Variants in CATSPERG observed in about 807,000 individuals in gnomAD.
The protein encoded by CATSPERG is cation channel sperm-associated auxiliary subunit gamma.
A neutral mutation model predicts 145.0 loss-of-function variants in CATSPERG; 115 were observed. That is an observed-to-expected ratio of 0.79 (90% CI 0.68 to 0.93). The LOEUF is 0.93. Ranked by LOEUF, CATSPERG falls within the 40% of genes least tolerant of loss-of-function variation. CATSPERG has a pLI of 0.00. For missense variants in CATSPERG, 1,296 were observed against 1,490.1 expected, an observed-to-expected ratio of 0.87 and a Z score of 2.14; for synonymous variants, 588 against 589.0, an observed-to-expected ratio of 1.00 and a Z score of 0.02.
chr19:38,343,953 G>T, intron 4 of CATSPERG, 40 bp from the exon 5 acceptor site: 1 of 1,545,232 alleles, frequency 6.5e-7, no homozygotes, highest in Non-Finnish European at 8.7e-7. Context: ...CCGGCCATTG[G>T]GAGGCCCCAG....
At position 38,367,556 on chromosome 19, in the gene CATSPERG, G is replaced by A. The variant is rs373200243; in HGVS notation, c.2818G>A (p.Gly940Ser). ...LIQDLVTGDS[G>S]SFQGSYVLLV... The stretch of plus-strand genomic sequence containing the variant: ...TCAAGATTTGGTGACAGGAGACTCC[G>A]GCAGTTTCCAGGGCAGGTAAAGGCG... The change falls in exon 24 of 29, where the codon GGC becomes AGC. Residue 940 changes from glycine to serine, a missense_variant. Gly to Ser is a moderately conservative substitution (Grantham distance 56, BLOSUM62 0). Transcript: ENST00000409235. 15 of 1,613,934 alleles carry A rather than the reference G, an allele frequency of 9.3e-6. No individual in the cohort carries two copies. The highest frequency in any genetic ancestry group is 1.7e-5 in the Admixed American group (1 of 59,986).
In CATSPERG at chr19:38,370,776, G is replaced by C; in HGVS notation, c.3464G>C (p.Arg1155Thr). Residue 1155 changes from arginine (R) to threonine (T), a missense_variant, in exon 29 of 29, where the codon AGA becomes ACA. By Grantham distance (71) the Arg-to-Thr change is moderately conservative. Transcript: ENST00000409235. ...GCTGAACCCAAGGAAGCCGTGGAGA[G>C]ACAGTTGATGACCTGAGTGTCCCAC... ...DRAEPKEAVE[R>T]QLMT 6.2e-7 allele frequency: 1 copy of C among 1,613,860 alleles called. No homozygotes were observed. Among genetic ancestry groups the C allele is most frequent in the East Asian group, 2.2e-5 (1 of 44,876 alleles).
At chr19:38,344,230 C>A in intron 5 of CATSPERG, 66 bp from the exon 6 acceptor site, 1 of 1,535,714 alleles carries the variant, frequency 6.5e-7, no homozygotes, top group Non-Finnish European at 8.8e-7. Context: ...AGAGGAGAGG[C>A]AGCTACGAGC....
chr19:38,338,347 A>G (rs1027012376), intron 3 of CATSPERG, among the ~76,000 whole-genome samples: 2 of 151,162 alleles, frequency 1.3e-5, no homozygotes, highest in Non-Finnish European at 2.9e-5. Context: ...ATGGGGTTTC[A>G]CCGGGTTAGC....
rs1277621113 is a variant in CATSPERG at position 38,337,410 on chromosome 19, G to A, written c.176G>A (p.Ser59Asn). The change falls in exon 2 of 29, where the codon AGT becomes AAT. Residue 59 changes from serine (S) to asparagine (N), a missense_variant. Ser to Asn is a conservative substitution (Grantham distance 46). Coordinates refer to ENST00000409235, the MANE Select transcript of CATSPERG (RefSeq NM_021185.5). ...VLNEFKRVGE[S>N]GVSDSFFEQE... ...AACGAGTTTAAGAGGGTAGGCGAGA[G>A]TGGTGTGAGCGACAGCTTCTTTGAG... 1 of 1,551,992 alleles carries A rather than the reference G, an allele frequency of 6.4e-7. No individual in the cohort carries two copies. The highest frequency in any genetic ancestry group is 2.4e-5 in the East Asian group (1 of 40,922).
chr19:38,357,542 C>T (rs1438362413), intron 11 of CATSPERG, among the ~76,000 whole-genome samples: 1 of 147,422 alleles, frequency 6.8e-6, no homozygotes, highest in Non-Finnish European at 1.5e-5. Context: ...CAGAGCCAGG[C>T]GTGGTGGCTC....
At chr19:38,347,738 G>A (rs1383370806) in intron 7 of CATSPERG, among the ~76,000 whole-genome samples, 1 of 152,068 alleles carries the variant, frequency 6.6e-6, no homozygotes, top group African/African-American at 2.4e-5. Context: ...GTCAGGAGTT[G>A]CAGACCAGCC....
In CATSPERG at chr19:38,370,858, C is replaced by T; in HGVS notation, c.*66C>T. 2.0e-6 allele frequency: 3 copies of T among 1,527,614 alleles called. No individual in the cohort carries two copies. The highest frequency in any genetic ancestry group is 1.1e-5 in the South Asian group (1 of 87,136). The allele number at this position is 1,527,614 out of a possible 1,614,324, so 94.6% of individuals were successfully genotyped here. On this transcript the variant is annotated 3_prime_UTR_variant, in exon 29 of 29. Transcript: ENST00000409235. ...TCTTATGAGGCCCATCTTGAAGATG[C>T]AACCTGTCACCCAGCCCAGGCCTCT... is the stretch of plus-strand genomic sequence containing the variant.
chr19:38,360,551 G>A lies in CATSPERG; in HGVS notation c.1671G>A (p.Gln557=), dbSNP rs1347748861. ...VYQLFPSKGW[Q]VHISLKLMQQ... ...AGCTGTTCCCTTCCAAGGGCTGGCA[G>A]GTGCACATCAGCTTAAAGCTGATGC... Residue 557 remains glutamine, a synonymous_variant, in exon 15 of 29, where the codon CAG becomes CAA. Coordinates refer to ENST00000409235, the MANE Select transcript of CATSPERG (RefSeq NM_021185.5). The A allele has an allele frequency of 4.3e-6, 7 of 1,614,054 alleles. No individual in the cohort carries two copies. In the Admixed American group the frequency reaches 1.2e-4, roughly 27 times the overall value.
At chr19:38,369,048 T>A (rs1169521576) in intron 26 of CATSPERG, among the ~76,000 whole-genome samples, 1 of 152,026 alleles carries the variant, frequency 6.6e-6, no homozygotes, top group Non-Finnish European at 1.5e-5. Context: ...AATGAAAGAA[T>A]GAACAAATGA....
intron 23 of CATSPERG, 93 bp from the exon 24 acceptor site, chr19:38,367,416 T>C (rs921143910): frequency 3.2e-6 from 5 of 1,557,438 alleles, no homozygotes; most frequent in East Asian, 2.2e-5. Flanking sequence ...CCACCCTTTT[T>C]CCTGCGGCAT....
intron 22 of CATSPERG, 43 bp from the exon 23 acceptor site, chr19:38,367,113 G>A (rs776070239): frequency 2.5e-6 from 4 of 1,575,862 alleles, no homozygotes; most frequent in Non-Finnish European, 2.6e-6. Flanking sequence ...GGGGCCTGAG[G>A]AGACCCTGGC....
chr19:38,343,482 C>T lies in CATSPERG; in HGVS notation c.325-98C>T, dbSNP rs567554763. 213 of 1,128,074 alleles carry T rather than the reference C, an allele frequency of 1.9e-4. 1 individual carries two copies. In the East Asian group the frequency reaches 3.2e-3, roughly 17 times the overall value. The allele number at this position is 1,128,074 out of a possible 1,614,324, so 69.9% of individuals were successfully genotyped here. ...CACATGGTGGACAGTGTGCTGCCCC[C>T]GGACAGCCCAGGAGACAGACTGTTA... On this transcript the variant is annotated intron_variant, in intron 3 of 28. Transcript: ENST00000409235.
chr19:38,365,267 C>G (rs1970428431), intron 22 of CATSPERG, 150 bp downstream of exon 22: 1 of 662,290 alleles, frequency 1.5e-6, no homozygotes. Context: ...CACTACCACC[C>G]ACTAACTCCT....
chr19:38,363,980 C>G (rs1246566250), intron 20 of CATSPERG, among the ~76,000 whole-genome samples: 1 of 152,266 alleles, frequency 6.6e-6, no homozygotes, highest in Non-Finnish European at 1.5e-5. Flanking sequence ...AGCTGTTGGG[C>G]ATACCTCCCA....
At chr19:38,339,495 C>T (rs1251401458) in intron 3 of CATSPERG, among the ~76,000 whole-genome samples, 1 of 152,200 alleles carries the variant, frequency 6.6e-6, no homozygotes, top group African/African-American at 2.4e-5. Context: ...CTTCTCCTAA[C>T]ACTCTGTCGC....
chr19:38,366,626 G>A (rs1482640735), intron 22 of CATSPERG: 9 of 153,988 alleles, frequency 5.8e-5, no homozygotes, highest in South Asian at 2.0e-4. Flanking sequence ...GACTCTGGAA[G>A]AGACAAGGTT....
intron 9 of CATSPERG, 41 bp downstream of exon 9, chr19:38,354,888 T>C: frequency 6.3e-7 from 1 of 1,596,998 alleles, no homozygotes. Context: ...GACCCCTCCA[T>C]ACCCTCTCTC....
chr19:38,336,716 C>A, intron 1 of CATSPERG: 1 of 251,346 alleles, frequency 4.0e-6, no homozygotes, highest in Middle Eastern at 1.6e-3. Context: ...TACGGGGGAA[C>A]TTAAGAGGGG....
Sources: gnomAD v4.1 joint callset for allele counts (sites outside exome capture counted in the v4.1 genomes callset) on GRCh38, gnomAD v4.1.1 for gene constraint, MANE v1.5 for transcripts, NCBI Gene and HGNC (gene_info 2026-07-23, HGNC 2026-07-21) for gene names.